Variants in NECTIN3 observed in about 807,000 individuals in gnomAD.
NECTIN3 encodes the protein nectin-3.
NECTIN3 carries 8 observed loss-of-function variants against 49.4 expected under a neutral mutation model. That is an observed-to-expected ratio of 0.16 (90% CI 0.10 to 0.29). The LOEUF is 0.29. Among genes scored for constraint, NECTIN3 ranks in the 10% least tolerant of loss-of-function variants. The pLI is 1.00. For synonymous variants in NECTIN3, 277 were observed against 241.1 expected (o/e 1.15, Z -1.38); for missense variants, 581 against 654.6 (o/e 0.89, Z 1.23).
chr3:111,155,688 G>A lies in NECTIN3; in HGVS notation c.1221+8204G>A, dbSNP rs185175435. Among the ~76,000 whole-genome samples, 461 of 152,262 alleles carry A rather than the reference G, an allele frequency of 3.0e-3. 2 individuals are homozygous for A. The highest frequency in any genetic ancestry group is 4.2e-3 in the Non-Finnish European group (288 of 68,010). ...GGCCATTTAGTGTTGATTTTATTCTGCATAGATGGTTTTGTTGAAGTTCTT... is the reference window on the plus strand; with the variant it reads ...GGCCATTTAGTGTTGATTTTATTCTACATAGATGGTTTTGTTGAAGTTCTT... On this transcript the variant is annotated intron_variant, in intron 7 of 8. Transcript: ENST00000493615.
At chr3:111,083,957 A>G (rs2031780474) in intron 1 of NECTIN3, among the ~76,000 whole-genome samples, 1 of 152,224 alleles carries the variant, frequency 6.6e-6, no homozygotes, top group Admixed American at 6.5e-5. Context: ...TCCACTATAG[A>G]AAGTTGAAAA....
At chr3:111,110,269 C>T (rs138639167) in intron 1 of NECTIN3, among the ~76,000 whole-genome samples, 1 of 151,276 alleles carries the variant, frequency 6.6e-6, no homozygotes, top group Admixed American at 6.6e-5. Flanking sequence ...TTTTTAATAC[C>T]CATGCCTCTT....
chr3:111,169,059 G>T (rs1279764937), intron 7 of NECTIN3, among the ~76,000 whole-genome samples: 1 of 136,296 alleles, frequency 7.3e-6, no homozygotes, highest in Non-Finnish European at 1.6e-5. Context: ...TCTTATACTA[G>T]TATATCAGGA....
intron 7 of NECTIN3, among the ~76,000 whole-genome samples, chr3:111,186,284 A>T (rs570232946): frequency 1.1e-4 from 16 of 152,310 alleles, no homozygotes; most frequent in African/African-American, 3.8e-4. Flanking sequence ...AGCTAGAGGC[A>T]TCATGTTAAC....
In NECTIN3 at chr3:111,137,265, T is replaced by G; in HGVS notation, c.*3050T>G. Reference sequence around the variant, plus strand: ...AGGAATAAATGGTACCCATTTTGAATTTTTAATTCTAATAGGAGAGTAGAT... The same window carrying G: ...AGGAATAAATGGTACCCATTTTGAAGTTTTAATTCTAATAGGAGAGTAGAT... On this transcript the variant is annotated 3_prime_UTR_variant, in exon 6 of 6. Transcript: ENST00000485303. 1 of 950,828 alleles carries G rather than the reference T, an allele frequency of 1.1e-6. No individual in the cohort carries two copies. The allele number at this position is 950,828 out of a possible 1,614,324, so 58.9% of individuals were successfully genotyped here.
In NECTIN3 at chr3:111,178,269, CA is replaced by C. The variant is rs374990947; in HGVS notation, c.1222-14081del. On this transcript the variant is annotated intron_variant, in intron 7 of 8. Coordinates refer to the NECTIN3 transcript ENST00000493615. Reference sequence around the variant, plus strand: ...ATCTTGCAAATAAACCTCATGATAGCAGCCTGTATTTGAAAAGTTAGCCATG... The same window carrying C: ...ATCTTGCAAATAAACCTCATGATAGCGCCTGTATTTGAAAAGTTAGCCATG... Among the ~76,000 whole-genome samples the C allele has an allele frequency of 1.4e-4, 21 of 152,282 alleles. No individual in the cohort carries two copies. The South Asian group carries it at 2.7e-3, about 20-fold the overall frequency.
intron 1 of NECTIN3, among the ~76,000 whole-genome samples, chr3:111,082,564 C>T (rs1490930779): frequency 3.3e-5 from 5 of 152,030 alleles, no homozygotes; most frequent in Non-Finnish European, 7.4e-5. Context: ...TAAGGGCATT[C>T]GTGACTCTTA....
At chr3:111,095,956 A>C (rs992110528) in intron 1 of NECTIN3, among the ~76,000 whole-genome samples, 24 of 152,166 alleles carry the variant, frequency 1.6e-4, no homozygotes, top group African/African-American at 5.8e-4. Flanking sequence ...GTGTCAGTGG[A>C]GTGGGGCATT....
At chr3:111,100,273 G>A (rs72937906) in intron 1 of NECTIN3, among the ~76,000 whole-genome samples, 92 of 152,156 alleles carry the variant, frequency 6.0e-4, no homozygotes, top group African/African-American at 2.1e-3. Context: ...TCTTTAAAGC[G>A]CCAGTTCCTT....
chr3:111,162,114 A>G (rs1418624016), intron 7 of NECTIN3, among the ~76,000 whole-genome samples: 2 of 152,102 alleles, frequency 1.3e-5, no homozygotes, highest in African/African-American at 4.8e-5. Context: ...TAATTTGGCA[A>G]TATCTTTGCA....
chr3:111,072,757 T>G (rs2107342057), intron 1 of NECTIN3: 1 of 597,906 alleles, frequency 1.7e-6, no homozygotes, highest in African/African-American at 1.9e-5. Context: ...GCTCTCTAGA[T>G]TGACCCTCGT....
chr3:111,141,669 T>C (rs1274563566), downstream of NECTIN3, among the ~76,000 whole-genome samples: 1 of 151,932 alleles, frequency 6.6e-6, no homozygotes, highest in Non-Finnish European at 1.5e-5. Flanking sequence ...GGAGGTAAGT[T>C]TCCAGTGAAT....
intron 1 of NECTIN3, among the ~76,000 whole-genome samples, chr3:111,092,101 T>G (rs1167026568): frequency 2.6e-5 from 4 of 152,232 alleles, no homozygotes; most frequent in African/African-American, 9.6e-5. Flanking sequence ...TGAAGGCATG[T>G]CAGTTCAGAC....
chr3:111,168,985 G>A lies in NECTIN3; in HGVS notation c.1221+21501G>A, dbSNP rs559908175. Among the ~76,000 whole-genome samples the A allele has an allele frequency of 3.3e-5, 5 of 150,420 alleles. No individual in the cohort carries two copies. The South Asian group carries it at 8.4e-4, about 25-fold the overall frequency. On this transcript the variant is annotated intron_variant, in intron 7 of 8. Transcript: ENST00000493615. Reference sequence around the variant, plus strand: ...TTGGATTACTAGAATAATGATTAGGGAAAAGAAAACATATACTTTTCTTTA... The same window carrying A: ...TTGGATTACTAGAATAATGATTAGGAAAAAGAAAACATATACTTTTCTTTA...
intron 1 of NECTIN3, among the ~76,000 whole-genome samples, chr3:111,076,986 A>G (rs2031248214): frequency 6.6e-6 from 1 of 151,886 alleles, no homozygotes; most frequent in South Asian, 2.1e-4. Flanking sequence ...AAAAAAAAAA[A>G]AAAAAATCTG....
rs777713792 is a variant in NECTIN3, at chr3:111,133,735, A to G, written c.1170A>G (p.Pro390=). ...CAGAACCTAAAAAATTGCCCTTCCC[A>G]TTGTCAACTTTGGCAACAATTAAGG... ...LATEPKKLPF[P]LSTLATIKDD... is the part of the protein sequence containing the mutation. The change falls in exon 6 of 6, where the codon CCA becomes CCG. Residue 390 remains proline, a synonymous_variant. Coordinates refer to ENST00000485303, the MANE Select transcript of NECTIN3 (RefSeq NM_015480.3). The G allele has an allele frequency of 1.1e-5, 17 of 1,613,778 alleles. No homozygotes were observed. The Admixed American group carries it at 1.7e-4, about 16-fold the overall frequency.
At chr3:111,094,197 T>A (rs1382832430) in intron 1 of NECTIN3, among the ~76,000 whole-genome samples, 1 of 151,996 alleles carries the variant, frequency 6.6e-6, no homozygotes, top group Non-Finnish European at 1.5e-5. Context: ...AAAAAAAAAC[T>A]GTGACAATAC....
chr3:111,086,736 T>C (rs2031954936), intron 1 of NECTIN3, among the ~76,000 whole-genome samples: 1 of 152,196 alleles, frequency 6.6e-6, no homozygotes, highest in Non-Finnish European at 1.5e-5. Flanking sequence ...TAAATTTTAG[T>C]GGCAGTTTAT....
At chr3:111,193,027 G>A (rs141537498) in intron 1 of NECTIN3, among the ~76,000 whole-genome samples, 71 of 152,184 alleles carry the variant, frequency 4.7e-4, no homozygotes, top group African/African-American at 1.6e-3. Flanking sequence ...TATTGTAAGC[G>A]ACAAATGACT....
Sources: gnomAD v4.1 joint callset for allele counts (sites outside exome capture counted in the v4.1 genomes callset) on GRCh38, gnomAD v4.1.1 for gene constraint, MANE v1.5 for transcripts, NCBI Gene and HGNC (gene_info 2026-07-23, HGNC 2026-07-21) for gene names.